Variants in SCN10A observed in about 807,000 individuals in gnomAD.
The protein encoded by SCN10A is sodium voltage-gated channel alpha subunit 10.
In SCN10A, 162 loss-of-function variants were observed where a neutral mutation model predicts 170.7. The observed-to-expected ratio is 0.95, with a 90% confidence interval of 0.84 to 1.08. The LOEUF (loss-of-function observed/expected upper bound fraction) is 1.08. SCN10A is among the 50% of genes least tolerant of loss of function. The pLI is 0.00. For synonymous variants in SCN10A, 985 were observed against 904.6 expected, an observed-to-expected ratio of 1.09 and a Z score of -1.59; for missense variants, 2,527 against 2,436.9, an observed-to-expected ratio of 1.04 and a Z score of -0.78.
At chr3:38,712,020 T>C (rs2063279384) in intron 23 of SCN10A, 141 bp downstream of exon 23, 6 of 765,798 alleles carry the variant, frequency 7.8e-6, no homozygotes, top group Non-Finnish European at 1.3e-5. Context: ...TGGTGTAGTC[T>C]GTAGGAATAG....
At chr3:38,716,084 T>C (rs1055783815) in intron 21 of SCN10A, among the ~76,000 whole-genome samples, 16 of 152,138 alleles carry the variant, frequency 1.1e-4, no homozygotes, top group Non-Finnish European at 1.9e-4. Flanking sequence ...AATAATAGCA[T>C]ATTGTTTTCA....
chr3:38,752,706 T>C (rs868360919), intron 11 of SCN10A, among the ~76,000 whole-genome samples, 194 bp from the exon 12 acceptor site: 55 of 152,150 alleles, frequency 3.6e-4, no homozygotes, highest in Admixed American at 1.8e-3. Flanking sequence ...AGACTCTAGA[T>C]AGACTCCGGG....
At chr3:38,797,954 A>T (rs187329760) in intron 1 of SCN10A, among the ~76,000 whole-genome samples, 1 of 152,274 alleles carries the variant, frequency 6.6e-6, no homozygotes, top group East Asian at 1.9e-4. Context: ...TAGTGATGTG[A>T]TGTAGGTATG....
chr3:38,815,223 C>T (rs529953975), intron 1 of SCN10A, among the ~76,000 whole-genome samples: 1 of 152,352 alleles, frequency 6.6e-6, no homozygotes, highest in Non-Finnish European at 1.5e-5. Flanking sequence ...GTTGTCACCT[C>T]TCTGAACGTG....
intron 27 of SCN10A, among the ~76,000 whole-genome samples, chr3:38,700,965 T>C (rs1442013244): frequency 1.3e-5 from 2 of 152,194 alleles, no homozygotes; most frequent in Non-Finnish European, 2.9e-5. Flanking sequence ...GGCAGCAAGT[T>C]CATTAGAAGA....
chr3:38,746,063 G>GTATATATATATA (rs1553619550), intron 13 of SCN10A, among the ~76,000 whole-genome samples: 16 of 61,656 alleles, frequency 2.6e-4, no homozygotes, highest in Non-Finnish European at 3.5e-4. Context: ...GTGTGTATGT[G>GTATATATATATA]TATATATATA....
intron 26 of SCN10A, among the ~76,000 whole-genome samples, chr3:38,703,931 C>A (rs187344188): frequency 1.1e-3 from 164 of 152,318 alleles, no homozygotes; most frequent in Non-Finnish European, 1.8e-3. Context: ...AGATGCTCTG[C>A]AAATTTGTAA....
intron 15 of SCN10A, among the ~76,000 whole-genome samples, chr3:38,731,794 T>G (rs1405596903): frequency 6.6e-6 from 1 of 152,162 alleles, no homozygotes; most frequent in Non-Finnish European, 1.5e-5. Flanking sequence ...GCCCATGGAC[T>G]CTCCAAACCT....
intron 5 of SCN10A, among the ~76,000 whole-genome samples, chr3:38,766,866 T>C (rs944185220): frequency 6.6e-6 from 1 of 152,174 alleles, no homozygotes; most frequent in Non-Finnish European, 1.5e-5. Context: ...TCCTGGACTT[T>C]TTTTCCTTGG....
intron 13 of SCN10A, among the ~76,000 whole-genome samples, chr3:38,744,494 AT>A (rs1221729883): frequency 2.7e-5 from 4 of 150,338 alleles, no homozygotes; most frequent in African/African-American, 9.8e-5. Flanking sequence ...TTTATTTTAA[AT>A]TTTTTTCTTT....
At chr3:38,738,361 T>C (rs1171839709) in intron 15 of SCN10A, among the ~76,000 whole-genome samples, 4 of 152,154 alleles carry the variant, frequency 2.6e-5, no homozygotes, top group Admixed American at 6.5e-5. Context: ...CCACATCTCT[T>C]CCATGGCTGG....
chr3:38,788,363 A>C (rs1163378788), intron 4 of SCN10A, among the ~76,000 whole-genome samples: 1 of 152,162 alleles, frequency 6.6e-6, no homozygotes, highest in Non-Finnish European at 1.5e-5. Context: ...TTCTGAAACT[A>C]TAGGGGTTTC....
chr3:38,757,709 T>C (rs141030398), intron 8 of SCN10A, among the ~76,000 whole-genome samples: 2 of 152,352 alleles, frequency 1.3e-5, no homozygotes, highest in African/African-American at 4.8e-5. Flanking sequence ...AAGAAGTCAG[T>C]TGCCTAAAAC....
chr3:38,720,689 G>A (rs937845086), intron 20 of SCN10A, among the ~76,000 whole-genome samples: 2 of 152,080 alleles, frequency 1.3e-5, no homozygotes, highest in Admixed American at 6.5e-5. Context: ...TTCCTCCTGG[G>A]AATGTGGGGG....
chr3:38,743,858 T>G (rs537091263), intron 13 of SCN10A, among the ~76,000 whole-genome samples: 51 of 152,298 alleles, frequency 3.3e-4, no homozygotes, highest in Non-Finnish European at 6.2e-4. Flanking sequence ...ATGTGTCCAA[T>G]TTCTGATCCC....
intron 8 of SCN10A, among the ~76,000 whole-genome samples, chr3:38,759,695 T>G (rs886409034): frequency 6.6e-6 from 1 of 152,180 alleles, no homozygotes; most frequent in South Asian, 2.1e-4. Context: ...GTTGGGAGAT[T>G]TTATATAAAA....
rs187118004 is a variant in SCN10A at position 38,701,971 on chromosome 3, C to T, written c.4525G>A (p.Gly1509Ser). The change falls in exon 27 of 28, where the codon GGC becomes AGC. Residue 1509 changes from glycine (G) to serine (S), a missense_variant. Coordinates refer to ENST00000449082, the MANE Select transcript of SCN10A (RefSeq NM_006514.4). Reference sequence around the variant, plus strand: ...GCCACAAAGAACTGGTTGATTTTGCCCAGAATTTTCGTCTTTTCTTCACTT... The same window carrying T: ...GCCACAAAGAACTGGTTGATTTTGCTCAGAATTTTCGTCTTTTCTTCACTT... The part of the protein sequence containing the change: ...DQSEEKTKIL[G>S]KINQFFVAVF... 6.2e-7 allele frequency: 1 copy of T among 1,614,100 alleles called. No individual in the cohort carries two copies. The highest frequency in any genetic ancestry group is 1.3e-5 in the African/African-American group (1 of 75,022).
At chr3:38,762,293 G>C (rs1216577193) in intron 6 of SCN10A, among the ~76,000 whole-genome samples, 3 of 152,192 alleles carry the variant, frequency 2.0e-5, no homozygotes, top group Non-Finnish European at 4.4e-5. Flanking sequence ...TCTGACAATT[G>C]AGGGGAAAGT....
Position 38,712,359 on chromosome 3 carries a change from GAT to G in SCN10A, c.3889_3890del (p.Ile1297HisfsTer31). 1 of 1,614,214 alleles carries G rather than the reference GAT, an allele frequency of 6.2e-7. No individual in the cohort carries two copies. Among genetic ancestry groups the G allele is most frequent in the Non-Finnish European group, 8.5e-7 (1 of 1,180,036 alleles). On this transcript the variant is annotated frameshift_variant, in exon 23 of 28. Transcript: ENST00000449082. LOFTEE classifies it high-confidence loss of function. ...TCCCTGCGAAGAGGTTCACACCCATGATGCTGAAGATGAGCCAGAAGATGAGG... is the reference window on the plus strand; with the variant it reads ...TCCCTGCGAAGAGGTTCACACCCATGGCTGAAGATGAGCCAGAAGATGAGG... ...VCLIFWLIFS[I>X]MGVNLFAGKF...
Sources: gnomAD v4.1 joint callset for allele counts (sites outside exome capture counted in the v4.1 genomes callset) on GRCh38, gnomAD v4.1.1 for gene constraint, MANE v1.5 for transcripts, NCBI Gene and HGNC (gene_info 2026-07-23, HGNC 2026-07-21) for gene names.